Variants in IGSF11 observed in about 807,000 individuals in gnomAD.
IGSF11 encodes immunoglobulin superfamily member 11, also known as CXADR like 1.
Under a neutral mutation model 41.0 loss-of-function variants are expected in IGSF11, and 22 were observed. The observed-to-expected ratio is 0.54, with a 90% CI of 0.38 to 0.77. The LOEUF is 0.77. Ranked by LOEUF, IGSF11 falls within the 30% of genes least tolerant of loss-of-function variation. The pLI is 0.00. For missense variants in IGSF11, 444 were observed against 530.8 expected (o/e 0.84, Z 1.61); for synonymous variants, 219 against 201.3 (o/e 1.09, Z -0.74).
intron 1 of IGSF11, among the ~76,000 whole-genome samples, chr3:118,948,688 G>A (rs893254844): frequency 1.3e-5 from 2 of 152,034 alleles, no homozygotes; most frequent in African/African-American, 2.4e-5. Context: ...ACATTAGGCC[G>A]GGCGTGATGG....
At chr3:119,029,420 A>G (rs1034563840) in intron 1 of IGSF11, among the ~76,000 whole-genome samples, 2 of 152,204 alleles carry the variant, frequency 1.3e-5, no homozygotes, top group African/African-American at 4.8e-5. Context: ...ACCAATGCTC[A>G]GCTTCTATGG....
chr3:118,935,443 T>C (rs2107545298), intron 1 of IGSF11, among the ~76,000 whole-genome samples: 1 of 148,138 alleles, frequency 6.8e-6, no homozygotes, highest in East Asian at 2.0e-4. Flanking sequence ...TATGTATATG[T>C]GTGTGTGTAC....
rs903817770 is a variant in IGSF11 at position 118,980,787 on chromosome 3, C to T, written c.53-50512G>A. ...TGCATGTAACCGAATTTCATGTATG[C>T]TCCATTAATATGTACAAATATAATG... On this transcript the variant is annotated intron_variant, in intron 1 of 6. Transcript: ENST00000393775. Among the ~76,000 whole-genome samples the T allele has an allele frequency of 2.6e-5, 4 of 152,290 alleles. No homozygotes were observed. In the East Asian group the frequency reaches 5.8e-4, roughly 22 times the overall value.
At chr3:119,102,823 A>G (rs1473159931) in intron 1 of IGSF11, among the ~76,000 whole-genome samples, 2 of 151,794 alleles carry the variant, frequency 1.3e-5, no homozygotes, top group Non-Finnish European at 2.9e-5. Context: ...CTTCATTCCT[A>G]TAATAGTTTT....
At chr3:119,091,934 A>G (rs116298435) in intron 1 of IGSF11, among the ~76,000 whole-genome samples, 7,248 of 149,032 alleles carry the variant, frequency 0.049, 221 homozygotes, top group South Asian at 0.092. Context: ...ATATAAACAA[A>G]GAAAATGTTT....
Position 119,097,885 on chromosome 3 carries a change from G to C in IGSF11, c.49+7259C>G, listed in dbSNP as rs929704878. Among the ~76,000 whole-genome samples the C allele has an allele frequency of 3.3e-5, 5 of 150,560 alleles. 1 individual carries two copies. Among genetic ancestry groups the C allele is most frequent in the East Asian group, 3.9e-4 (2 of 5,120 alleles). On this transcript the variant is annotated intron_variant, in intron 1 of 6. Transcript: ENST00000354673. The stretch of plus-strand genomic sequence containing the variant: ...AGCTTACTGCAGCTTCAATCTCCCA[G>C]GTTCAAGCGATCCTCCCACCTCAGC...
intron 3 of IGSF11, among the ~76,000 whole-genome samples, chr3:118,927,061 T>C (rs898307039): frequency 1.3e-5 from 2 of 150,762 alleles, no homozygotes; most frequent in Non-Finnish European, 3.0e-5. Flanking sequence ...AATGAAAAAA[T>C]GAATGCAGAG....
At chr3:119,089,398 T>A (rs1367805552) in intron 1 of IGSF11, among the ~76,000 whole-genome samples, 3 of 152,018 alleles carry the variant, frequency 2.0e-5, no homozygotes, top group Non-Finnish European at 2.9e-5. Flanking sequence ...TAAAAAACCC[T>A]CAACAGATGA....
At chr3:118,950,900 G>A (rs960413057) in intron 1 of IGSF11, among the ~76,000 whole-genome samples, 11 of 152,166 alleles carry the variant, frequency 7.2e-5, no homozygotes, top group African/African-American at 4.8e-5. Context: ...CAGATTAACA[G>A]CTAAGTAGCA....
intron 4 of IGSF11, among the ~76,000 whole-genome samples, chr3:118,916,834 C>T (rs990724782): frequency 5.9e-5 from 9 of 151,526 alleles, no homozygotes; most frequent in Admixed American, 2.6e-4. Context: ...ACACCTATTC[C>T]AAAATTGACC....
upstream of IGSF11, among the ~76,000 whole-genome samples, chr3:119,109,203 T>C (rs1482924108): frequency 2.1e-5 from 3 of 146,002 alleles, no homozygotes; most frequent in Admixed American, 6.9e-5. Flanking sequence ...AATTCGGCTG[T>C]GAATCCATCT....
chr3:118,969,299 G>T (rs1425982469), intron 1 of IGSF11, among the ~76,000 whole-genome samples: 1 of 152,154 alleles, frequency 6.6e-6, no homozygotes, highest in Non-Finnish European at 1.5e-5. Context: ...TGGTAAAGAG[G>T]TAGACTGGCA....
At chr3:119,126,230 C>G (rs1559881952) in intron 1 of IGSF11, among the ~76,000 whole-genome samples, 2 of 152,244 alleles carry the variant, frequency 1.3e-5, no homozygotes, top group South Asian at 2.1e-4. Context: ...CTTGTCCCCA[C>G]AGCCTAACAC....
At chr3:119,010,706 A>T (rs539664267) in intron 1 of IGSF11, among the ~76,000 whole-genome samples, 1 of 152,222 alleles carries the variant, frequency 6.6e-6, no homozygotes, top group African/African-American at 2.4e-5. Flanking sequence ...AGATCATGGG[A>T]CTCTCAACTT....
intron 1 of IGSF11, chr3:119,013,000 C>A (rs1394295173): frequency 1.3e-5 from 2 of 152,320 alleles, no homozygotes; most frequent in Non-Finnish European, 2.9e-5. Context: ...CCCCTTAAAC[C>A]CTACCCTACT....
chr3:119,120,059 G>A (rs567032076), intron 1 of IGSF11, among the ~76,000 whole-genome samples: 18 of 152,302 alleles, frequency 1.2e-4, no homozygotes, highest in East Asian at 5.8e-4. Context: ...TCAGTCATTC[G>A]TCTCTGACTG....
chr3:118,953,039 T>C (rs1192167873), intron 1 of IGSF11, among the ~76,000 whole-genome samples: 1 of 152,054 alleles, frequency 6.6e-6, no homozygotes, highest in African/African-American at 2.4e-5. Flanking sequence ...TAGTCTTTTA[T>C]CCCGCATCCC....
chr3:119,030,712 G>C (rs1011459006), intron 1 of IGSF11, among the ~76,000 whole-genome samples: 2 of 152,148 alleles, frequency 1.3e-5, no homozygotes, highest in Non-Finnish European at 2.9e-5. Context: ...ACAAAGTATG[G>C]TCAAGAGAAG....
At chr3:119,130,840 G>T (rs112892547) in intron 1 of IGSF11, among the ~76,000 whole-genome samples, 2,086 of 152,264 alleles carry the variant, frequency 0.014, 31 homozygotes, top group Non-Finnish European at 0.02. Context: ...CCAGAGGAAG[G>T]ATCAGGAAGC....
Sources: gnomAD v4.1 joint callset for allele counts (sites outside exome capture counted in the v4.1 genomes callset) on GRCh38, gnomAD v4.1.1 for gene constraint, MANE v1.5 for transcripts, NCBI Gene and HGNC (gene_info 2026-07-23, HGNC 2026-07-21) for gene names.